UBXN8: variants seen among roughly 807,000 people sequenced by gnomAD.
UBXN8 encodes the protein UBX domain protein 8.
In UBXN8, 27 loss-of-function variants were observed where a neutral mutation model predicts 32.1. The ratio of observed to expected loss-of-function variants is 0.84; its 90% CI spans 0.62 to 1.16. UBXN8 has a LOEUF of 1.16. Ranked by LOEUF, UBXN8 falls within the 50% of genes most tolerant of loss-of-function variation. UBXN8 has a pLI of 0.00. For synonymous variants in UBXN8, 109 were observed against 111.8 expected, an observed-to-expected ratio of 0.98 and a Z score of 0.16; for missense variants, 306 against 311.4, an observed-to-expected ratio of 0.98 and a Z score of 0.13.
At chr8:30,730,659 C>T (rs1586081133), upstream of UBXN8, among the ~76,000 whole-genome samples, 2 of 152,128 alleles carry the variant, frequency 1.3e-5, no homozygotes, top group Non-Finnish European at 2.9e-5. Flanking sequence ...AGGCCACAAA[C>T]GTTAATAAGT....
At chr8:30,758,016 C>A (rs551204924) in intron 5 of UBXN8, among the ~76,000 whole-genome samples, 1 of 152,026 alleles carries the variant, frequency 6.6e-6, no homozygotes. Context: ...CTGCCTCAGC[C>A]TCCCGAGTAG....
Position 30,766,255 on chromosome 8 carries a change from G to A in UBXN8, c.674G>A (p.Gly225Glu). The change falls in exon 8 of 8, where the codon GGG becomes GAG. Residue 225 changes from glycine to glutamate, a missense_variant. Transcript: ENST00000265616. ...QVLFDWMTRIGYHISLYSLST... is the reference protein window; with the variant it reads ...QVLFDWMTRIEYHISLYSLST... ...TTATTTGACTGGATGACGAGAATTG[G>A]GTACCACATATCTCTATACAGCCTT... 6.2e-7 allele frequency: 1 copy of A among 1,612,986 alleles called. No individual in the cohort carries two copies. Among genetic ancestry groups the A allele is most frequent in the Non-Finnish European group, 8.5e-7 (1 of 1,179,468 alleles).
At position 30,758,878 on chromosome 8, in the gene UBXN8, TTTGTTTG is replaced by T. The variant is rs1350932163; in HGVS notation, c.528+1994_528+2000del. ...GAAGTCATTGGTAACAAATGTTTTT[TTTGTTTG>T]TTTTTTTTGTTTTTTTTTTTTTTTT... On this transcript the variant is annotated intron_variant, in intron 5 of 7. Coordinates refer to ENST00000265616, the MANE Select transcript of UBXN8 (RefSeq NM_005671.4). Among the ~76,000 whole-genome samples, 1,101 of 126,624 alleles carry T rather than the reference TTTGTTTG, an allele frequency of 8.7e-3. 39 individuals are homozygous for T. Among genetic ancestry groups the T allele is most frequent in the African/African-American group, 0.031 (1,025 of 32,854 alleles). 83.1% of individuals were successfully genotyped at this position (126,624 alleles called of 152,430 possible).
Position 30,754,792 on chromosome 8 carries a change from G to A in UBXN8, c.405+5G>A. ...AGCAGTGGTCACAAACTTGGGGTTG[G>A]AAAATATTCTCATTTTATATTTTGA... On this transcript the variant is annotated splice_donor_5th_base_variant and intron_variant, in intron 4 of 7. Coordinates refer to ENST00000265616, the MANE Select transcript of UBXN8 (RefSeq NM_005671.4). 6.4e-7 allele frequency: 1 copy of A among 1,551,212 alleles called. No individual in the cohort carries two copies. The highest frequency in any genetic ancestry group is 8.6e-7 in the Non-Finnish European group (1 of 1,160,486).
Position 30,744,169 on chromosome 8 carries a change from G to T in UBXN8, c.-21G>T. Reference sequence around the variant, plus strand: ...GCCGGAAGGGGCGGGCTTTCCGCCTGCACCAGGCGCTTCCGCCACCATGGC... The same window carrying T: ...GCCGGAAGGGGCGGGCTTTCCGCCTTCACCAGGCGCTTCCGCCACCATGGC... On this transcript the variant is annotated 5_prime_UTR_variant, in exon 1 of 8. Coordinates refer to ENST00000265616, the MANE Select transcript of UBXN8 (RefSeq NM_005671.4). The T allele has an allele frequency of 6.2e-7, 1 of 1,608,518 alleles. No homozygotes were observed. The highest frequency in any genetic ancestry group is 8.5e-7 in the Non-Finnish European group (1 of 1,177,440).
chr8:30,757,627 G>A (rs997392098), intron 5 of UBXN8, among the ~76,000 whole-genome samples: 1 of 151,760 alleles, frequency 6.6e-6, no homozygotes, highest in Non-Finnish European at 1.5e-5. Flanking sequence ...TTGGGAGGCC[G>A]AGGTGGGTGG....
At chr8:30,757,603 G>A (rs965420725) in intron 5 of UBXN8, among the ~76,000 whole-genome samples, 1 of 151,532 alleles carries the variant, frequency 6.6e-6, no homozygotes, top group African/African-American at 2.4e-5. Flanking sequence ...GCTCATGCCT[G>A]TAATCCCAGT....
In UBXN8 at chr8:30,766,242, A is replaced by C. The variant is rs750305047; in HGVS notation, c.661A>C (p.Met221Leu). 1 of 1,612,254 alleles carries C rather than the reference A, an allele frequency of 6.2e-7. No homozygotes were observed. The highest frequency in any genetic ancestry group is 1.1e-5 in the South Asian group (1 of 90,880). ...SYSSQVLFDW[M>L]TRIGYHISLY... ...CATCTTCTAGGTCTTATTTGACTGG[A>C]TGACGAGAATTGGGTACCACATATC... The change falls in exon 8 of 8, where the codon ATG (methionine) becomes CTG (leucine). Residue 221 changes from methionine to leucine, a missense_variant. Transcript: ENST00000265616.
At chr8:30,735,588 C>T (rs905993902) in intron 1 of UBXN8, among the ~76,000 whole-genome samples, 5 of 152,192 alleles carry the variant, frequency 3.3e-5, no homozygotes, top group African/African-American at 4.8e-5. Context: ...CCTATAATCC[C>T]AGCACTTTGG....
intron 6 of UBXN8, among the ~76,000 whole-genome samples, chr8:30,762,618 C>A (rs926336575): frequency 1.3e-5 from 2 of 152,100 alleles, no homozygotes; most frequent in Non-Finnish European, 2.9e-5. Context: ...GTCACGAACT[C>A]CTGACCTCAA....
At chr8:30,736,585 G>A (rs981441638) in intron 1 of UBXN8, among the ~76,000 whole-genome samples, 1 of 152,108 alleles carries the variant, frequency 6.6e-6, no homozygotes, top group Admixed American at 6.6e-5. Flanking sequence ...CGATTCTCCT[G>A]CTTCAGCCTC....
chr8:30,765,428 C>T (rs1379780027), intron 7 of UBXN8, among the ~76,000 whole-genome samples: 2 of 151,938 alleles, frequency 1.3e-5, no homozygotes, highest in African/African-American at 4.8e-5. Context: ...CATGCACCAC[C>T]AGGCCTGGCT....
At chr8:30,732,466 G>A (rs1586082447), upstream of UBXN8, 12 of 363,180 alleles carry the variant, frequency 3.3e-5, no homozygotes, top group East Asian at 4.5e-4. Context: ...AAGACCAGAA[G>A]GCAGGTGAGA....
At chr8:30,740,639 C>T (rs1250390228), upstream of UBXN8, among the ~76,000 whole-genome samples, 8 of 150,952 alleles carry the variant, frequency 5.3e-5, no homozygotes, top group African/African-American at 2.4e-5. Flanking sequence ...GTGAGATGAT[C>T]GCTTGAGCCC....
chr8:30,750,063 CA>C (rs1477965908), intron 1 of UBXN8, among the ~76,000 whole-genome samples: 1 of 152,148 alleles, frequency 6.6e-6, no homozygotes, highest in Non-Finnish European at 1.5e-5. Context: ...ATGCTCTGTA[CA>C]TTTGTTCTGG....
chr8:30,732,058 CCT>C (rs34088027), upstream of UBXN8, among the ~76,000 whole-genome samples: 37,680 of 151,870 alleles, frequency 0.25, 5,284 homozygotes, highest in African/African-American at 0.39. Flanking sequence ...CAGATTAGCC[CCT>C]GAGAGGCAGA....
intron 1 of UBXN8, among the ~76,000 whole-genome samples, chr8:30,734,912 C>T (rs185129187): frequency 1.3e-4 from 20 of 152,240 alleles, no homozygotes; most frequent in Admixed American, 2.0e-4. Flanking sequence ...CACTGTATTC[C>T]AGCCTGAGCA....
chr8:30,765,271 A>G (rs1433967928), intron 7 of UBXN8, among the ~76,000 whole-genome samples: 2 of 151,762 alleles, frequency 1.3e-5, no homozygotes, highest in African/African-American at 4.8e-5. Flanking sequence ...ATAATTTACC[A>G]TTATTTTTAT....
upstream of UBXN8, among the ~76,000 whole-genome samples, chr8:30,729,410 C>A (rs1422479017): frequency 2.6e-5 from 4 of 152,200 alleles, no homozygotes; most frequent in Non-Finnish European, 2.9e-5. Context: ...TCACCCACGG[C>A]GTGCCTGTAC....
Sources: gnomAD v4.1 joint callset for allele counts (sites outside exome capture counted in the v4.1 genomes callset) on GRCh38, gnomAD v4.1.1 for gene constraint, MANE v1.5 for transcripts, NCBI Gene and HGNC (gene_info 2026-07-23, HGNC 2026-07-21) for gene names.